CNTNAP4: variants seen among roughly 807,000 people sequenced by gnomAD.
CNTNAP4 encodes contactin associated protein family member 4.
In CNTNAP4, 98 loss-of-function variants were observed where a neutral mutation model predicts 148.4. That is an observed-to-expected ratio of 0.66 (90% CI 0.56 to 0.78). CNTNAP4 has a LOEUF of 0.78. Among genes scored for constraint, CNTNAP4 ranks in the 30% least tolerant of loss-of-function variants. CNTNAP4 has a pLI of 0.00. For synonymous variants in CNTNAP4, 730 were observed against 565.1 expected, an observed-to-expected ratio of 1.29 and a Z score of -4.14; for missense variants, 1,935 against 1,565.6, an observed-to-expected ratio of 1.24 and a Z score of -3.98.
At chr16:76,376,257 A>C (rs1000086173) in intron 3 of CNTNAP4, among the ~76,000 whole-genome samples, 1 of 152,238 alleles carries the variant, frequency 6.6e-6, no homozygotes, top group African/African-American at 2.4e-5. Context: ...CTAAAAGGTG[A>C]GAGTAGATGT....
chr16:76,344,473 A>G (rs1317541590), intron 2 of CNTNAP4, among the ~76,000 whole-genome samples: 1 of 152,226 alleles, frequency 6.6e-6, no homozygotes, highest in African/African-American at 2.4e-5. Flanking sequence ...TAAGCACCCA[A>G]ACAAAATACT....
rs558000099 is a variant in CNTNAP4 at position 76,358,044 on chromosome 16, C to G, written c.390+2533C>G. Among the ~76,000 whole-genome samples the G allele has an allele frequency of 2.6e-3, 400 of 152,144 alleles. 1 individual carries two copies. Among genetic ancestry groups the G allele is most frequent in the African/African-American group, 4.1e-3 (172 of 41,534 alleles). ...GGTATCAAAAGTTTATGTTAACTCA[C>G]TGAAGAAGGCTGGGCGTTTTGGCTC... On this transcript the variant is annotated intron_variant, in intron 3 of 23. Coordinates refer to ENST00000611870, the MANE Select transcript of CNTNAP4 (RefSeq NM_033401.5).
chr16:76,342,002 T>C (rs1413455617), intron 2 of CNTNAP4, among the ~76,000 whole-genome samples: 1 of 152,194 alleles, frequency 6.6e-6, no homozygotes, highest in Non-Finnish European at 1.5e-5. Context: ...CTGATGAGTT[T>C]TCTCTCAGTT....
chr16:76,547,053 A>C (rs574962796), intron 21 of CNTNAP4, among the ~76,000 whole-genome samples: 2 of 152,332 alleles, frequency 1.3e-5, no homozygotes, highest in African/African-American at 4.8e-5. Context: ...GAAAAGGCAG[A>C]TAGTCTGATG....
intron 3 of CNTNAP4, among the ~76,000 whole-genome samples, chr16:76,371,696 C>G (rs188824936): frequency 6.6e-6 from 1 of 152,174 alleles, no homozygotes; most frequent in East Asian, 1.9e-4. Context: ...TGGCTCTGTC[C>G]AGTCCTAACC....
At chr16:76,354,320 T>G (rs747180163) in intron 2 of CNTNAP4, among the ~76,000 whole-genome samples, 1 of 152,054 alleles carries the variant, frequency 6.6e-6, no homozygotes, top group Non-Finnish European at 1.5e-5. Flanking sequence ...TATACAGGAG[T>G]CACATCTACA....
intron 11 of CNTNAP4, among the ~76,000 whole-genome samples, chr16:76,478,701 A>G (rs2081686944): frequency 6.6e-6 from 1 of 152,168 alleles, no homozygotes; most frequent in African/African-American, 2.4e-5. Flanking sequence ...TTAGGATTAC[A>G]TAATTAAAAA....
At chr16:76,434,722 C>A (rs7184847) in intron 4 of CNTNAP4, among the ~76,000 whole-genome samples, 1 of 152,056 alleles carries the variant, frequency 6.6e-6, no homozygotes, top group Non-Finnish European at 1.5e-5. Context: ...TTTGGCCTTT[C>A]CCACCATAAT....
chr16:76,312,350 G>A (rs538017577), intron 1 of CNTNAP4, among the ~76,000 whole-genome samples: 1 of 152,244 alleles, frequency 6.6e-6, no homozygotes, highest in East Asian at 1.9e-4. Context: ...GAGAACCTCT[G>A]AATTGGAATG....
At chr16:76,287,693 G>C (rs2143797863) in intron 1 of CNTNAP4, 1 of 152,430 alleles carries the variant, frequency 6.6e-6, no homozygotes, top group African/African-American at 2.4e-5. Flanking sequence ...TGATTTGGCT[G>C]AGATGGCTGG....
chr16:76,312,499 G>A (rs992026804), intron 1 of CNTNAP4, among the ~76,000 whole-genome samples: 2 of 152,048 alleles, frequency 1.3e-5, no homozygotes, highest in African/African-American at 4.8e-5. Context: ...AAAATATCAT[G>A]TTTACTCCAC....
chr16:76,494,758 A>G lies in CNTNAP4; in HGVS notation c.2081-152A>G, dbSNP rs550994659. 1.6e-4 allele frequency among the ~76,000 whole-genome samples: 25 copies of G among 152,344 alleles called. No individual in the cohort carries two copies. The South Asian group carries it at 4.3e-3, about 26-fold the overall frequency. ...AAGTGTTCTTAAGGAAATGCCAGCA[A>G]TCATACTGTTTTGCATATCCTTAAA... On this transcript the variant is annotated intron_variant, in intron 13 of 23. Coordinates refer to ENST00000611870, the MANE Select transcript of CNTNAP4 (RefSeq NM_033401.5).
intron 10 of CNTNAP4, among the ~76,000 whole-genome samples, chr16:76,469,935 T>C (rs2081305933): frequency 6.6e-6 from 1 of 152,148 alleles, no homozygotes; most frequent in Non-Finnish European, 1.5e-5. Context: ...TTTGGTCTTA[T>C]ATACTATACC....
chr16:76,291,996 G>A (rs768892609), intron 1 of CNTNAP4, among the ~76,000 whole-genome samples: 6 of 152,174 alleles, frequency 3.9e-5, no homozygotes, highest in Non-Finnish European at 7.3e-5. Context: ...AGCCCATCAA[G>A]TGGATATACT....
chr16:76,337,722 A>G (rs1349463492), intron 2 of CNTNAP4, among the ~76,000 whole-genome samples: 1 of 152,104 alleles, frequency 6.6e-6, no homozygotes, highest in African/African-American at 2.4e-5. Flanking sequence ...GGTGTATTTC[A>G]TCCCTTATCT....
chr16:76,305,077 T>G (rs964740847), intron 1 of CNTNAP4, among the ~76,000 whole-genome samples: 2 of 152,236 alleles, frequency 1.3e-5, no homozygotes, highest in African/African-American at 4.8e-5. Flanking sequence ...GTTTTTATTT[T>G]TCTGGAATAA....
At chr16:76,296,406 ATGCTTT>A (rs1419622855) in intron 1 of CNTNAP4, among the ~76,000 whole-genome samples, 1 of 152,196 alleles carries the variant, frequency 6.6e-6, no homozygotes, top group Non-Finnish European at 1.5e-5. Context: ...AGTTATTTCA[ATGCTTT>A]GGGAAAGATA....
chr16:76,422,285 G>T (rs922249795), intron 3 of CNTNAP4, among the ~76,000 whole-genome samples: 9 of 151,998 alleles, frequency 5.9e-5, no homozygotes, highest in Admixed American at 5.9e-4. Flanking sequence ...TGTACTTAAT[G>T]ATATAACATA....
chr16:76,355,821 A>G (rs2012532780), intron 3 of CNTNAP4, among the ~76,000 whole-genome samples: 2 of 151,496 alleles, frequency 1.3e-5, no homozygotes, highest in East Asian at 1.9e-4. Context: ...GTTCAAAAAC[A>G]TAATAGTCTT....
Sources: allele counts gnomAD v4.1 joint callset (sites outside exome capture counted in the v4.1 genomes callset), GRCh38; gene constraint gnomAD v4.1.1; transcripts MANE v1.5; gene names NCBI Gene and HGNC (gene_info 2026-07-23, HGNC 2026-07-21).